The following TANGO6 variants were observed in gnomAD, a reference collection of about 807,000 sequenced individuals.
TANGO6 encodes the protein transport and golgi organization 6 homolog.
Under a neutral mutation model 114.2 loss-of-function variants are expected in TANGO6, and 90 were observed. The observed-to-expected ratio is 0.79, with a 90% CI of 0.66 to 0.94. The LOEUF is 0.94. TANGO6 is among the 40% of genes least tolerant of loss of function. The pLI, the probability that TANGO6 is intolerant of heterozygous loss-of-function variation, is 0.00. For missense variants in TANGO6, 1,274 were observed against 1,315.3 expected, an observed-to-expected ratio of 0.97 and a Z score of 0.49; for synonymous variants, 477 against 509.8, an observed-to-expected ratio of 0.94 and a Z score of 0.87.
intron 14 of TANGO6, among the ~76,000 whole-genome samples, chr16:68,971,632 C>CT (rs1963705828): frequency 1.3e-5 from 2 of 151,430 alleles, no homozygotes; most frequent in Admixed American, 6.6e-5. Flanking sequence ...ACATTTTTTT[C>CT]TTTTTTTCTT....
chr16:69,079,464 AATTTAACTAC>A (rs1317890880), intron 17 of TANGO6, among the ~76,000 whole-genome samples: 3 of 152,000 alleles, frequency 2.0e-5, no homozygotes, highest in Non-Finnish European at 4.4e-5. Context: ...ACATTTGATA[AATTTAACTAC>A]ATCAAAAATG....
chr16:68,874,454 T>C (rs1268073079), intron 4 of TANGO6, among the ~76,000 whole-genome samples: 1 of 152,176 alleles, frequency 6.6e-6, no homozygotes, highest in Non-Finnish European at 1.5e-5. Context: ...AATTTTATAA[T>C]TGCTTAAGAC....
chr16:68,941,582 C>T (rs1896539095), intron 14 of TANGO6, among the ~76,000 whole-genome samples: 1 of 151,534 alleles, frequency 6.6e-6, no homozygotes, highest in African/African-American at 2.4e-5. Flanking sequence ...CCATCTCTAC[C>T]AAAAAATACA....
chr16:69,057,864 C>T (rs1960057351), intron 17 of TANGO6, among the ~76,000 whole-genome samples: 1 of 152,170 alleles, frequency 6.6e-6, no homozygotes, highest in African/African-American at 2.4e-5. Flanking sequence ...TCTTTCTTTA[C>T]CCTTCCTCAT....
At chr16:68,930,206 A>T in intron 13 of TANGO6, 32 bp from the exon 14 acceptor site, 5 of 1,543,192 alleles carry the variant, frequency 3.2e-6, no homozygotes, top group Non-Finnish European at 4.4e-6. Flanking sequence ...GTTCTTTGTA[A>T]ATCTTATCAC....
intron 15 of TANGO6, among the ~76,000 whole-genome samples, chr16:69,012,953 G>A (rs1959226500): frequency 6.6e-6 from 1 of 152,176 alleles, no homozygotes; most frequent in African/African-American, 2.4e-5. Flanking sequence ...ACCCCTCCTG[G>A]ATGGGATAAT....
rs1162535599 is a variant in TANGO6 at position 68,909,232 on chromosome 16, GA to G, written c.1826del (p.Asn609MetfsTer5). On this transcript the variant is annotated frameshift_variant, in exon 11 of 18. Transcript: ENST00000261778. LOFTEE classifies it high-confidence loss of function. Reference sequence around the variant, plus strand: ...GTAGGAGTTGACTCATGTGGCCTCGGAAAATGAAACAGAGTTAAAAACTGAG... The same window carrying G: ...GTAGGAGTTGACTCATGTGGCCTCGGAAATGAAACAGAGTTAAAAACTGAG... ...CLKELTHVASENETELKTEPF... is the reference protein window; with the variant it reads ...CLKELTHVASXNETELKTEPF... The G allele has an allele frequency of 8.8e-6, 14 of 1,587,958 alleles. No individual in the cohort carries two copies. Among genetic ancestry groups the G allele is most frequent in the Non-Finnish European group, 1.2e-5 (14 of 1,164,858 alleles).
intron 1 of TANGO6, among the ~76,000 whole-genome samples, chr16:68,859,665 T>C (rs984528850): frequency 1.3e-5 from 2 of 152,202 alleles, no homozygotes; most frequent in Non-Finnish European, 2.9e-5. Context: ...GTAACGTTAG[T>C]ACACTACTCC....
In TANGO6 at chr16:68,972,300, G is replaced by A. The variant is rs530307590; in HGVS notation, c.2702-1728G>A. Among the ~76,000 whole-genome samples the A allele has an allele frequency of 5.3e-5, 8 of 152,196 alleles. No homozygotes were observed. In the East Asian group the frequency reaches 5.8e-4, roughly 11 times the overall value. ...AGGTGCAGCCCTCAGCAGGTGCTCC[G>A]CCTTCACAGCTCAGCAGATGCGGCG... On this transcript the variant is annotated intron_variant, in intron 14 of 17. Coordinates refer to ENST00000261778, the MANE Select transcript of TANGO6 (RefSeq NM_024562.2).
chr16:69,001,127 A>T (rs1378929637), intron 15 of TANGO6, among the ~76,000 whole-genome samples: 1 of 152,218 alleles, frequency 6.6e-6, no homozygotes, highest in Non-Finnish European at 1.5e-5. Context: ...AAGAAATTTT[A>T]ATTACATACC....
chr16:68,965,792 C>CT (rs768448101), intron 14 of TANGO6, among the ~76,000 whole-genome samples: 1 of 151,962 alleles, frequency 6.6e-6, no homozygotes, highest in Non-Finnish European at 1.5e-5. Flanking sequence ...GAGCAAAACT[C>CT]TGTCTCAAAA....
chr16:68,893,922 C>T (rs774609850), intron 7 of TANGO6, among the ~76,000 whole-genome samples: 6 of 152,214 alleles, frequency 3.9e-5, no homozygotes, highest in Non-Finnish European at 5.9e-5. Flanking sequence ...CCAAGGAAAT[C>T]ACACAACACC....
At chr16:68,874,317 ACT>A (rs989317044) in intron 4 of TANGO6, among the ~76,000 whole-genome samples, 2 of 150,748 alleles carry the variant, frequency 1.3e-5, no homozygotes, top group Admixed American at 6.6e-5. Flanking sequence ...TCGCCTGAAA[ACT>A]CTCTCCAGTC....
chr16:68,902,525 C>G (rs760331293), intron 9 of TANGO6, 21 bp downstream of exon 9: 2 of 1,578,886 alleles, frequency 1.3e-6, no homozygotes, highest in Non-Finnish European at 1.7e-6. Context: ...CCATCCGTTA[C>G]TGTTCTCTTC....
intron 14 of TANGO6, among the ~76,000 whole-genome samples, chr16:68,930,717 C>T (rs552455755): frequency 2.0e-5 from 3 of 150,096 alleles, no homozygotes; most frequent in African/African-American, 7.4e-5. Context: ...CTCACTGCAA[C>T]CTCTGCCTCC....
intron 15 of TANGO6, among the ~76,000 whole-genome samples, chr16:69,017,900 TC>T (rs1316963938): frequency 9.3e-5 from 14 of 149,918 alleles, no homozygotes; most frequent in Non-Finnish European, 1.6e-4. Flanking sequence ...TAGTTGGAAA[TC>T]TTTTTTTTTT....
At chr16:69,040,012 C>G (rs765458608) in intron 16 of TANGO6, among the ~76,000 whole-genome samples, 3 of 152,192 alleles carry the variant, frequency 2.0e-5, no homozygotes, top group Non-Finnish European at 4.4e-5. Context: ...GAAATATTAG[C>G]ATTTGACCTT....
At chr16:69,001,813 C>A (rs1014856167) in intron 15 of TANGO6, among the ~76,000 whole-genome samples, 3 of 152,130 alleles carry the variant, frequency 2.0e-5, no homozygotes, top group African/African-American at 7.2e-5. Context: ...CATTTCATAT[C>A]TTTTAGGTAC....
intron 15 of TANGO6, among the ~76,000 whole-genome samples, chr16:69,014,907 A>AG (rs568287034): frequency 5.5e-4 from 84 of 152,048 alleles, no homozygotes; most frequent in Non-Finnish European, 7.1e-4. Context: ...AAAAAAAAAA[A>AG]AAAAGAAAAA....
Sources: gnomAD v4.1 joint callset for allele counts (sites outside exome capture counted in the v4.1 genomes callset) on GRCh38, gnomAD v4.1.1 for gene constraint, MANE v1.5 for transcripts, NCBI Gene and HGNC (gene_info 2026-07-23, HGNC 2026-07-21) for gene names.